The following CFAP221 variants were observed in gnomAD, a reference collection of about 807,000 sequenced individuals.
CFAP221 encodes the protein cilia and flagella associated protein 221.
A neutral mutation model predicts 113.1 loss-of-function variants in CFAP221; 97 were observed. That is an observed-to-expected ratio of 0.86 (90% CI 0.73 to 1.02). The LOEUF (loss-of-function observed/expected upper bound fraction) is 1.02, where lower values mean the gene tolerates loss of function less well. CFAP221 is among the 50% of genes least tolerant of loss of function. The pLI is 0.00. For missense variants in CFAP221, 1,025 were observed against 1,013.4 expected, an observed-to-expected ratio of 1.01 and a Z score of -0.16; for synonymous variants, 331 against 354.4, an observed-to-expected ratio of 0.93 and a Z score of 0.74.
intron 19 of CFAP221, among the ~76,000 whole-genome samples, chr2:119,637,182 A>G (rs186444858): frequency 3.3e-5 from 5 of 152,274 alleles, no homozygotes; most frequent in African/African-American, 4.8e-5. Flanking sequence ...CTCAGTGGTC[A>G]TCGTTGCCTT....
chr2:119,564,837 T>G (rs1681509922), intron 6 of CFAP221, among the ~76,000 whole-genome samples: 1 of 152,202 alleles, frequency 6.6e-6, no homozygotes, highest in African/African-American at 2.4e-5. Flanking sequence ...TGCTGAACAT[T>G]GCTGGCATAT....
chr2:119,625,648 A>T lies in CFAP221; in HGVS notation c.1476A>T (p.Ile492=). 6.2e-7 allele frequency: 1 copy of T among 1,613,836 alleles called. No homozygotes were observed. The highest frequency in any genetic ancestry group is 8.5e-7 in the Non-Finnish European group (1 of 1,179,668). The change falls in exon 15 of 24, where the codon ATA becomes ATT. Residue 492 remains isoleucine (I), a synonymous_variant. Coordinates refer to ENST00000413369, the MANE Select transcript of CFAP221 (RefSeq NM_001271049.2). The stretch of plus-strand genomic sequence containing the variant: ...TTCGTGAAATGGACAAAGAGAGTAT[A>T]CTGAGAAAGATTGGCCAAGCAAAAC... ...SAVREMDKES[I]LRKIGQAKQS...
Position 119,559,719 on chromosome 2 carries a change from C to T in CFAP221, c.271C>T (p.Arg91Cys), listed in dbSNP as rs536173598. 5.5e-5 allele frequency: 85 copies of T among 1,531,936 alleles called. No homozygotes were observed. The highest frequency in any genetic ancestry group is 3.9e-4 in the Admixed American group (20 of 50,974). 94.9% of individuals were successfully genotyped at this position (1,531,936 alleles called of 1,614,324 possible). Residue 91 changes from arginine to cysteine, a missense_variant, in exon 4 of 24, where the codon CGT (arginine) becomes TGT (cysteine). Coordinates refer to ENST00000413369, the MANE Select transcript of CFAP221 (RefSeq NM_001271049.2). ...HLVNVSNEDT[R>C]VHILPPQTKY... ...GGTCAATGTTTCCAATGAAGACACA[C>T]GTGTTCATATTTTACCCCCGCAAAC...
At chr2:119,622,200 A>G (rs1003492243) in intron 14 of CFAP221, among the ~76,000 whole-genome samples, 27 of 152,248 alleles carry the variant, frequency 1.8e-4, no homozygotes, top group African/African-American at 6.3e-4. Flanking sequence ...CACTGATCCC[A>G]CAGAAATACA....
At chr2:119,630,074 A>G (rs1022420696) in intron 17 of CFAP221, 119 bp downstream of exon 17, 11 of 834,288 alleles carry the variant, frequency 1.3e-5, no homozygotes, top group African/African-American at 5.2e-5. Context: ...TGTGTGGCAC[A>G]CTCTACTGTT....
Position 119,605,308 on chromosome 2 carries a change from T to C in CFAP221, c.1133+19T>C, listed in dbSNP as rs1304993467. The C allele has an allele frequency of 2.5e-6, 4 of 1,575,076 alleles. No homozygotes were observed. The South Asian group carries it at 4.4e-5, about 17-fold the overall frequency. Reference sequence around the variant, plus strand: ...TTAAGTGGTAAATATTGAGCAATTGTTTGTATCAAGTGTCAGTACAGTTAT... The same window carrying C: ...TTAAGTGGTAAATATTGAGCAATTGCTTGTATCAAGTGTCAGTACAGTTAT... On this transcript the variant is annotated intron_variant, in intron 11 of 23. Transcript: ENST00000413369.
chr2:119,637,784 T>G (rs954237136), intron 19 of CFAP221, among the ~76,000 whole-genome samples: 2 of 152,240 alleles, frequency 1.3e-5, no homozygotes, highest in Non-Finnish European at 2.9e-5. Context: ...CAAAACAATG[T>G]TAAATGTTGA....
At chr2:119,602,243 G>A (rs1684413941) in intron 8 of CFAP221, among the ~76,000 whole-genome samples, 1 of 152,024 alleles carries the variant, frequency 6.6e-6, no homozygotes, top group Non-Finnish European at 1.5e-5. Context: ...ACCTTGACGT[G>A]GCATCCTGTC....
Position 119,608,512 on chromosome 2 carries a change from C to G in CFAP221, c.1144C>G (p.Leu382Val). The G allele has an allele frequency of 5.0e-6, 8 of 1,610,178 alleles. No individual in the cohort carries two copies. The highest frequency in any genetic ancestry group is 6.8e-6 in the Non-Finnish European group (8 of 1,178,486). ...MENHLKWQVH[L>V]GKDPMSFKLK... ...TTTTTTTCTCCCCAGGCAGGTGCAC[C>G]TTGGTAAAGATCCTATGTCTTTTAA... The change falls in exon 12 of 24, where the codon CTT becomes GTT. Residue 382 changes from leucine (L) to valine (V), a missense_variant. By Grantham distance (32) the Leu-to-Val change is conservative. Transcript: ENST00000413369.
chr2:119,549,016 T>C, intron 2 of CFAP221, 69 bp from the exon 3 acceptor site: 2 of 1,072,270 alleles, frequency 1.9e-6, no homozygotes, highest in South Asian at 1.8e-5. Context: ...GCTATGTTAA[T>C]AAGGATCAAC....
At chr2:119,608,661 C>G in intron 12 of CFAP221, 72 bp downstream of exon 12, 1 of 1,293,742 alleles carries the variant, frequency 7.7e-7, no homozygotes, top group Non-Finnish European at 1.1e-6. Flanking sequence ...ATGCAAGATG[C>G]CAGGTGGAGG....
chr2:119,575,871 C>T (rs190653480), intron 6 of CFAP221, among the ~76,000 whole-genome samples: 1 of 152,270 alleles, frequency 6.6e-6, no homozygotes, highest in East Asian at 1.9e-4. Flanking sequence ...GTTCTGAATT[C>T]AAGTTAGCTT....
At chr2:119,647,881 A>G (rs2104808704) in intron 22 of CFAP221, among the ~76,000 whole-genome samples, 1 of 152,316 alleles carries the variant, frequency 6.6e-6, no homozygotes, top group South Asian at 2.1e-4. Context: ...TTAAAATTAG[A>G]TTCCATTAGA....
At chr2:119,555,782 C>G (rs1212520346) in intron 3 of CFAP221, among the ~76,000 whole-genome samples, 2 of 152,184 alleles carry the variant, frequency 1.3e-5, no homozygotes, top group Non-Finnish European at 2.9e-5. Flanking sequence ...GTCACTGTGT[C>G]TTCATGAAAT....
chr2:119,642,918 C>A (rs918775668), intron 21 of CFAP221, among the ~76,000 whole-genome samples: 2 of 151,764 alleles, frequency 1.3e-5, no homozygotes, highest in African/African-American at 4.9e-5. Context: ...CCCAAAGGCT[C>A]CATCTCCAAA....
At chr2:119,614,784 A>G (rs998425335) in intron 13 of CFAP221, among the ~76,000 whole-genome samples, 3 of 152,182 alleles carry the variant, frequency 2.0e-5, no homozygotes, top group Non-Finnish European at 2.9e-5. Context: ...CGATGATAAA[A>G]TTCTAATCTC....
intron 6 of CFAP221, among the ~76,000 whole-genome samples, chr2:119,575,528 G>A (rs1682382508): frequency 6.6e-6 from 1 of 152,158 alleles, no homozygotes; most frequent in Non-Finnish European, 1.5e-5. Context: ...CTCCTATGAA[G>A]TATTTAGAGT....
intron 6 of CFAP221, among the ~76,000 whole-genome samples, chr2:119,577,675 C>T (rs1682548040): frequency 6.6e-6 from 1 of 152,106 alleles, no homozygotes; most frequent in Non-Finnish European, 1.5e-5. Context: ...GTACTTACCT[C>T]ATAGGGTTGT....
intron 12 of CFAP221, among the ~76,000 whole-genome samples, 163 bp from the exon 13 acceptor site, chr2:119,611,490 G>A (rs1026633045): frequency 6.6e-6 from 1 of 151,106 alleles, no homozygotes. Flanking sequence ...TTTAAACAGT[G>A]TAATCATACT....
Sources: gnomAD v4.1 joint callset for allele counts (sites outside exome capture counted in the v4.1 genomes callset) on GRCh38, gnomAD v4.1.1 for gene constraint, MANE v1.5 for transcripts, NCBI Gene and HGNC (gene_info 2026-07-23, HGNC 2026-07-21) for gene names.